NUP62: variants seen among roughly 807,000 people sequenced by gnomAD.
NUP62 encodes nucleoporin 62.
For missense variants in NUP62, 647 were observed against 689.4 expected (o/e 0.94, Z 0.69); for synonymous variants, 305 against 303.4 (o/e 1.01, Z -0.05).
At chr19:49,929,304 C>T (rs1450383031) in intron 1 of NUP62, 22 bp downstream of exon 1, 6 of 154,554 alleles carry the variant, frequency 3.9e-5, no homozygotes, top group African/African-American at 1.4e-4. Context: ...CCTTTGTGCC[C>T]CCGGCCCGTC....
chr19:49,912,531 C>CAT (rs2075496819), intron 2 of NUP62, among the ~76,000 whole-genome samples: 1 of 151,994 alleles, frequency 6.6e-6, no homozygotes, highest in Non-Finnish European at 1.5e-5. Flanking sequence ...GGGATCTATT[C>CAT]ACAATGGTGA....
chr19:49,914,716 C>G (rs74174299), intron 2 of NUP62, among the ~76,000 whole-genome samples: 6,967 of 137,448 alleles, frequency 0.051, 212 homozygotes, highest in African/African-American at 0.058. Flanking sequence ...TTGTGCCACT[C>G]CAAGTCCCAG....
intron 2 of NUP62, among the ~76,000 whole-genome samples, chr19:49,924,875 G>T (rs184686129): frequency 6.6e-6 from 1 of 152,124 alleles, no homozygotes. Context: ...CGGTGGGGAG[G>T]GGAAGCAGAG....
intron 1 of NUP62, 80 bp downstream of exon 1, chr19:49,929,246 C>A (rs976004899): frequency 6.5e-6 from 1 of 153,524 alleles, no homozygotes; most frequent in East Asian, 1.9e-4. Flanking sequence ...ACTACAGTGT[C>A]GCCGCCTCTG....
intron 2 of NUP62, among the ~76,000 whole-genome samples, chr19:49,913,381 G>C (rs769335827): frequency 1.3e-5 from 2 of 152,148 alleles, no homozygotes; most frequent in African/African-American, 4.8e-5. Context: ...GTTTACCTGG[G>C]GCCCCAGGCC....
intron 2 of NUP62, among the ~76,000 whole-genome samples, chr19:49,913,602 T>C (rs569569175): frequency 6.6e-5 from 10 of 152,346 alleles, no homozygotes; most frequent in Non-Finnish European, 1.0e-4. Flanking sequence ...CGGGACTCTC[T>C]CTACCTGCAG....
At chr19:49,914,984 C>T (rs1209879682) in intron 2 of NUP62, among the ~76,000 whole-genome samples, 1 of 151,918 alleles carries the variant, frequency 6.6e-6, no homozygotes, top group Non-Finnish European at 1.5e-5. Flanking sequence ...AGGTGATCTG[C>T]CCACCTTGGC....
chr19:49,920,604 G>T (rs115398610), intron 2 of NUP62, among the ~76,000 whole-genome samples: 92 of 152,362 alleles, frequency 6.0e-4, no homozygotes, highest in African/African-American at 2.2e-3. Context: ...AGGCGGATAG[G>T]CGTCAGGCTC....
intron 2 of NUP62, among the ~76,000 whole-genome samples, chr19:49,920,947 G>A (rs1214829678): frequency 6.6e-6 from 1 of 152,196 alleles, no homozygotes; most frequent in Admixed American, 6.5e-5. Flanking sequence ...GAAGGGCCCA[G>A]GCCGGGCTGT....
At chr19:49,910,041 G>A (rs2075423717) in intron 2 of NUP62, among the ~76,000 whole-genome samples, 157 bp from the exon 3 acceptor site, 1 of 152,144 alleles carries the variant, frequency 6.6e-6, no homozygotes, top group Non-Finnish European at 1.5e-5. Flanking sequence ...GGATCCAGAA[G>A]CACAAAAGCA....
At chr19:49,911,663 T>G (rs557360775) in intron 2 of NUP62, among the ~76,000 whole-genome samples, 4 of 152,316 alleles carry the variant, frequency 2.6e-5, no homozygotes, top group African/African-American at 9.6e-5. Context: ...CAGGGCCAGC[T>G]GCACACGCTC....
In NUP62 at chr19:49,919,303, T is replaced by C. The variant is rs141729731; in HGVS notation, c.-78+8391A>G. 2.0e-5 allele frequency among the ~76,000 whole-genome samples: 3 copies of C among 152,316 alleles called. No individual in the cohort carries two copies. The East Asian group carries it at 5.8e-4, about 29-fold the overall frequency. On this transcript the variant is annotated intron_variant, in intron 2 of 2. Transcript: ENST00000352066. ...TGGAGACAGGCTGCTGTTGCACATC[T>C]TTGCAGAGACTTGCTGTGCGTTTAA...
rs2075347049 is a variant in NUP62 at position 49,907,476 on chromosome 19, G to T, written c.*763C>A. The T allele has an allele frequency of 9.1e-6, 4 of 438,834 alleles. No homozygotes were observed. Among genetic ancestry groups the T allele is most frequent in the Non-Finnish European group, 1.3e-5 (3 of 222,768 alleles). The allele number at this position is 438,834 out of a possible 1,614,324, so 27.2% of individuals were successfully genotyped here. On this transcript the variant is annotated 3_prime_UTR_variant, in exon 3 of 3. Transcript: ENST00000352066. ...GCTGCTTTGCCTTGGTGGTTAGCATGGTTAGCTTTCACAAGCACAAGCTCA... is the reference window on the plus strand; with the variant it reads ...GCTGCTTTGCCTTGGTGGTTAGCATTGTTAGCTTTCACAAGCACAAGCTCA...
chr19:49,921,691 G>C lies in NUP62; in HGVS notation c.-78+6003C>G, dbSNP rs1296389572. 1.3e-5 allele frequency among the ~76,000 whole-genome samples: 2 copies of C among 152,186 alleles called. No individual in the cohort carries two copies. Among genetic ancestry groups the C allele is most frequent in the African/African-American group, 4.8e-5 (2 of 41,442 alleles). ...GGGGTACCCCTCTGCCCATTGAGGGGGCACCTAGGGAGCCTAGGGGTCCCG... is the reference window on the plus strand; with the variant it reads ...GGGGTACCCCTCTGCCCATTGAGGGCGCACCTAGGGAGCCTAGGGGTCCCG... On this transcript the variant is annotated intron_variant, in intron 2 of 2. Transcript: ENST00000352066. The surrounding 1 kb of genome is among the most constrained non-coding windows in gnomAD (Gnocchi z 5.4).
chr19:49,917,155 G>C (rs985837149), intron 2 of NUP62, among the ~76,000 whole-genome samples: 6 of 152,226 alleles, frequency 3.9e-5, no homozygotes, highest in Non-Finnish European at 1.5e-5. Flanking sequence ...GAGAGTGAGG[G>C]AGTGGAGAGG....
At chr19:49,919,432 G>A (rs2075710468) in intron 2 of NUP62, among the ~76,000 whole-genome samples, 5 of 152,176 alleles carry the variant, frequency 3.3e-5, no homozygotes, top group Admixed American at 3.3e-4. Context: ...GTTTTAAGCA[G>A]GCTTATTCTC....
At chr19:49,924,001 T>C (rs2075824867) in intron 2 of NUP62, among the ~76,000 whole-genome samples, 1 of 152,022 alleles carries the variant, frequency 6.6e-6, no homozygotes, top group African/African-American at 2.4e-5. Flanking sequence ...GCCACCGTGA[T>C]TGGGAAAGCA....
In NUP62 at chr19:49,909,221, G is replaced by A. The variant is rs773968529; in HGVS notation, c.587C>T (p.Ala196Val). The A allele has an allele frequency of 1.9e-6, 3 of 1,613,976 alleles. No individual in the cohort carries two copies. Among genetic ancestry groups the A allele is most frequent in the African/African-American group, 1.3e-5 (1 of 74,926 alleles). The change falls in exon 3 of 3, where the codon GCA (alanine) becomes GTA (valine). Residue 196 changes from alanine to valine, a missense_variant. By Grantham distance (64) the Ala-to-Val change is moderately conservative (BLOSUM62 0). Coordinates refer to ENST00000352066, the MANE Select transcript of NUP62 (RefSeq NM_016553.5). ...ATLPFTPATP[A>V]ATTAGATQPA... ...CTGTGTGGCACCTGCTGTGGTGGCT[G>A]CTGGCGTGGCCGGAGTGAAGGGCAA...
intron 2 of NUP62, among the ~76,000 whole-genome samples, chr19:49,910,317 C>G (rs1313212821): frequency 6.6e-6 from 1 of 152,004 alleles, no homozygotes; most frequent in Non-Finnish European, 1.5e-5. Context: ...CTCTTGCCAC[C>G]CTGAGGGCCT....
Sources: gnomAD v4.1 joint callset for allele counts (sites outside exome capture counted in the v4.1 genomes callset) on GRCh38, gnomAD v4.1.1 for gene constraint, Gnocchi (gnomAD v3.1) non-coding constraint, MANE v1.5 for transcripts, NCBI Gene and HGNC (gene_info 2026-07-23, HGNC 2026-07-21) for gene names.